HIVEP3: variants seen among roughly 807,000 people sequenced by gnomAD.
The protein encoded by HIVEP3 is HIVEP zinc finger 3.
Under a neutral mutation model 152.8 loss-of-function variants are expected in HIVEP3, and 49 were observed. The ratio of observed to expected loss-of-function variants is 0.32; its 90% CI spans 0.26 to 0.41. The LOEUF is 0.41. Among genes scored for constraint, HIVEP3 ranks in the 10% least tolerant of loss-of-function variants. The pLI is 1.00. For missense variants in HIVEP3, 2,790 were observed against 3,103.3 expected (o/e 0.90, Z 2.40); for synonymous variants, 1,269 against 1,289.0 (o/e 0.98, Z 0.33).
Position 41,694,857 on chromosome 1 carries a change from A to G in HIVEP3, c.-721+6059T>C, listed in dbSNP as rs2124116079. 1.3e-5 allele frequency among the ~76,000 whole-genome samples: 2 copies of G among 152,300 alleles called. 1 individual carries two copies. Among genetic ancestry groups the G allele is most frequent in the South Asian group, 4.2e-4 (2 of 4,816 alleles). The stretch of plus-strand genomic sequence containing the variant: ...TGCAAATGAGGAAACTGAGTCTCAG[A>G]GAGATGTAACCCTACCTAGTAAGTG... On this transcript the variant is annotated intron_variant, in intron 2 of 8. Transcript: ENST00000372583.
rs1326145858 is a variant in HIVEP3 at position 41,583,459 on chromosome 1, C to T, written c.1339G>A (p.Asp447Asn). Residue 447 changes from aspartate to asparagine, a missense_variant, in exon 4 of 9, where the codon GAC (aspartate) becomes AAC (asparagine). Coordinates refer to ENST00000372583, the MANE Select transcript of HIVEP3 (RefSeq NM_024503.5). This position sits in a 1 kb window ranked among gnomAD's most constrained non-coding sequence, Gnocchi z 6.9. The part of the protein sequence containing the change: ...TQPLLPLSTE[D>N]KPSLVPLSVP... ...GACAAAGGCACCAGGCTGGGCTTGT[C>T]TTCGGTGGACAGGGGCAGGAGGGGC... The T allele has an allele frequency of 3.1e-6, 5 of 1,614,014 alleles. No individual in the cohort carries two copies. The highest frequency in any genetic ancestry group is 3.3e-4 in the Middle Eastern group (2 of 6,058).
intron 1 of HIVEP3, among the ~76,000 whole-genome samples, chr1:41,738,634 G>C (rs550807380): frequency 1.3e-5 from 2 of 152,262 alleles, no homozygotes; most frequent in South Asian, 4.1e-4. Context: ...CTGGACTCAG[G>C]CTTGGAAACC....
intron 1 of HIVEP3, among the ~76,000 whole-genome samples, chr1:41,892,319 TTGGTCAGAGACACTGAGCGGC>T (rs1644458933): frequency 6.6e-6 from 1 of 152,200 alleles, no homozygotes; most frequent in South Asian, 2.1e-4. Flanking sequence ...TTCTAAGAAC[TTGGTCAGAGACACTGAGCGGC>T]TGGTCAATAT....
intron 1 of HIVEP3, among the ~76,000 whole-genome samples, chr1:41,833,860 A>G (rs1643039780): frequency 6.6e-6 from 1 of 152,152 alleles, no homozygotes; most frequent in Admixed American, 6.5e-5. Context: ...TAAACACACA[A>G]AGGAAAATCC....
intron 1 of HIVEP3, among the ~76,000 whole-genome samples, chr1:41,885,107 A>C (rs1644324172): frequency 6.6e-6 from 1 of 152,166 alleles, no homozygotes; most frequent in African/African-American, 2.4e-5. Context: ...TATTGCTCAG[A>C]ATCTCCTCTG....
chr1:41,974,106 G>A (rs543080610), intron 1 of HIVEP3, among the ~76,000 whole-genome samples: 6 of 152,274 alleles, frequency 3.9e-5, no homozygotes, highest in Admixed American at 1.3e-4. Flanking sequence ...AGCTGGATGC[G>A]TTCACAGCAA....
At chr1:41,603,260 G>A (rs537220108) in intron 3 of HIVEP3, among the ~76,000 whole-genome samples, 1 of 151,940 alleles carries the variant, frequency 6.6e-6, no homozygotes, top group Non-Finnish European at 1.5e-5. Flanking sequence ...TAGCGATGTG[G>A]TTTCACCATG....
chr1:41,544,838 CACCACT>C (rs1643660010), intron 5 of HIVEP3, among the ~76,000 whole-genome samples: 5 of 118,772 alleles, frequency 4.2e-5, no homozygotes, highest in East Asian at 5.9e-4. Context: ...CCATCACCAC[CACCACT>C]ACCACCACCA....
At chr1:41,979,227 T>C (rs1645281228) in intron 1 of HIVEP3, among the ~76,000 whole-genome samples, 2 of 152,194 alleles carry the variant, frequency 1.3e-5, no homozygotes. Flanking sequence ...TTATCCACCC[T>C]CTGGCATTCA....
chr1:41,934,598 G>A (rs552754193), intron 1 of HIVEP3, among the ~76,000 whole-genome samples: 1 of 152,194 alleles, frequency 6.6e-6, no homozygotes, highest in South Asian at 2.1e-4. Flanking sequence ...AACAGAAGAA[G>A]GTACAGCAGT....
At chr1:41,898,820 T>C (rs751597768) in intron 1 of HIVEP3, among the ~76,000 whole-genome samples, 2 of 152,254 alleles carry the variant, frequency 1.3e-5, no homozygotes, top group Non-Finnish European at 2.9e-5. Context: ...AAGAATTTAT[T>C]GTTTTGGAGA....
chr1:41,656,619 G>A (rs1645633086), intron 2 of HIVEP3, among the ~76,000 whole-genome samples: 1 of 152,198 alleles, frequency 6.6e-6, no homozygotes, highest in Non-Finnish European at 1.5e-5. Context: ...AATGCACCAG[G>A]CAGCAGAGTT....
At chr1:41,854,146 CCTCT>C (rs143354235) in intron 1 of HIVEP3, among the ~76,000 whole-genome samples, 2 of 149,366 alleles carry the variant, frequency 1.3e-5, no homozygotes, top group East Asian at 3.9e-4. Flanking sequence ...TGTCCCACCT[CCTCT>C]CTCTCTCTCT....
At chr1:42,035,615 G>C (rs1268479291) in intron 1 of HIVEP3, among the ~76,000 whole-genome samples, 1 of 152,042 alleles carries the variant, frequency 6.6e-6, no homozygotes, top group African/African-American at 2.4e-5. Context: ...AGGCCAGACG[G>C]GGGACCCCAG....
intron 5 of HIVEP3, among the ~76,000 whole-genome samples, chr1:41,548,157 C>T (rs1472160576): frequency 2.0e-5 from 3 of 152,170 alleles, no homozygotes; most frequent in African/African-American, 7.2e-5. Flanking sequence ...CAAAGCAGTC[C>T]AGGAGGTGCC....
intron 1 of HIVEP3, among the ~76,000 whole-genome samples, chr1:41,764,456 G>A (rs930904935): frequency 3.9e-5 from 6 of 152,232 alleles, no homozygotes; most frequent in Non-Finnish European, 7.3e-5. Flanking sequence ...CGAAAGATAA[G>A]TCAACCTTCA....
chr1:41,690,018 T>C (rs1401665880), intron 2 of HIVEP3, among the ~76,000 whole-genome samples: 1 of 152,250 alleles, frequency 6.6e-6, no homozygotes, highest in African/African-American at 2.4e-5. Flanking sequence ...GCCTAGGTCC[T>C]TGGGAGTCTC....
At chr1:41,706,635 A>G (rs1646437913) in intron 1 of HIVEP3, among the ~76,000 whole-genome samples, 1 of 152,232 alleles carries the variant, frequency 6.6e-6, no homozygotes, top group Non-Finnish European at 1.5e-5. Context: ...CTCTGGGCGT[A>G]TTAGTGGCCA....
intron 1 of HIVEP3, among the ~76,000 whole-genome samples, chr1:41,998,879 T>TTC (rs78057334): frequency 8.1e-5 from 9 of 110,692 alleles, no homozygotes; most frequent in African/African-American, 2.2e-4. Context: ...TTTAATACTT[T>TTC]TCTCTCTCTC....
Sources: allele counts gnomAD v4.1 joint callset (sites outside exome capture counted in the v4.1 genomes callset), GRCh38; gene constraint gnomAD v4.1.1; non-coding constraint Gnocchi (gnomAD v3.1); transcripts MANE v1.5; gene names NCBI Gene and HGNC (gene_info 2026-07-23, HGNC 2026-07-21).